The following MACROD2 variants were observed in gnomAD, a reference collection of about 807,000 sequenced individuals.
MACROD2 encodes ADP-ribose glycohydrolase MACROD2.
MACROD2 carries 36 observed loss-of-function variants against 70.4 expected under a neutral mutation model. The ratio of observed to expected loss-of-function variants is 0.51; its 90% CI spans 0.39 to 0.68. The LOEUF (loss-of-function observed/expected upper bound fraction) is 0.68. MACROD2 is among the 30% of genes least tolerant of loss of function. The pLI, the probability that MACROD2 is intolerant of heterozygous loss-of-function variation, is 0.00. For missense variants in MACROD2, 496 were observed against 538.4 expected (o/e 0.92, Z 0.78); for synonymous variants, 172 against 178.8 (o/e 0.96, Z 0.30).
chr20:15,743,455 A>C (rs762461297), intron 8 of MACROD2, among the ~76,000 whole-genome samples: 28 of 152,192 alleles, frequency 1.8e-4, no homozygotes, highest in Admixed American at 3.3e-4. Context: ...AATATTCCCC[A>C]TGTCTATGTC....
chr20:15,285,217 G>T (rs1294996293), intron 6 of MACROD2, among the ~76,000 whole-genome samples: 2 of 152,076 alleles, frequency 1.3e-5, no homozygotes, highest in East Asian at 3.8e-4. Context: ...TTCTCTAAAG[G>T]TAAAGACTGG....
intron 8 of MACROD2, among the ~76,000 whole-genome samples, chr20:15,746,635 TG>T (rs1195486424): frequency 4.6e-5 from 7 of 152,034 alleles, no homozygotes; most frequent in Non-Finnish European, 1.0e-4. Context: ...GGATGATATT[TG>T]CTCTGTAAGC....
chr20:15,907,902 G>A (rs1370482882), intron 10 of MACROD2, among the ~76,000 whole-genome samples: 1 of 152,184 alleles, frequency 6.6e-6, no homozygotes, highest in African/African-American at 2.4e-5. Context: ...GGGCTGCATT[G>A]ACTGGACTCC....
At chr20:15,649,650 G>A (rs940936805) in intron 8 of MACROD2, among the ~76,000 whole-genome samples, 14 of 152,294 alleles carry the variant, frequency 9.2e-5, no homozygotes, top group Admixed American at 3.9e-4. Flanking sequence ...TTAGGCCTGC[G>A]ATTTCTTAAC....
chr20:14,918,688 C>A (rs1331883556), intron 5 of MACROD2, among the ~76,000 whole-genome samples: 2 of 150,704 alleles, frequency 1.3e-5, no homozygotes, highest in African/African-American at 4.9e-5. Flanking sequence ...ACAATGTCTC[C>A]TCTATCCCAC....
In MACROD2 at chr20:15,987,098, G is replaced by A. The variant is rs1488633682; in HGVS notation, c.1093G>A (p.Val365Met). 1.2e-6 allele frequency: 2 copies of A among 1,611,806 alleles called. No individual in the cohort carries two copies. The highest frequency in any genetic ancestry group is 1.3e-5 in the African/African-American group (1 of 74,760). Residue 365 changes from valine (V) to methionine (M), a missense_variant, in exon 15 of 18, where the codon GTG becomes ATG. Val to Met is a conservative substitution (Grantham distance 21). Transcript: ENST00000684519. Reference protein sequence around the residue: ...LSSNQEDAVIVEQPEVIPLTE... With the variant: ...LSSNQEDAVIMEQPEVIPLTE... ...ATCAAACCAAGAAGATGCCGTGATTGTGGAGCAACCAGAAGTGATTCCATT... is the reference window on the plus strand; with the variant it reads ...ATCAAACCAAGAAGATGCCGTGATTATGGAGCAACCAGAAGTGATTCCATT...
At chr20:14,942,238 T>C (rs1417156456) in intron 5 of MACROD2, among the ~76,000 whole-genome samples, 2 of 152,178 alleles carry the variant, frequency 1.3e-5, no homozygotes. Context: ...TCCTCATATA[T>C]ATTAAATGTC....
chr20:15,032,631 C>T (rs1191095282), intron 5 of MACROD2, among the ~76,000 whole-genome samples: 1 of 152,248 alleles, frequency 6.6e-6, no homozygotes, highest in African/African-American at 2.4e-5. Flanking sequence ...CATTTAAAAA[C>T]TGTACCTTCA....
chr20:14,244,851 T>C (rs969660725), intron 3 of MACROD2, among the ~76,000 whole-genome samples: 22 of 152,170 alleles, frequency 1.4e-4, no homozygotes, highest in Admixed American at 1.4e-3. Flanking sequence ...AGGAAAAGAT[T>C]AATCTGGTTA....
At chr20:15,578,687 G>A (rs986980054) in intron 8 of MACROD2, among the ~76,000 whole-genome samples, 1 of 152,246 alleles carries the variant, frequency 6.6e-6, no homozygotes, top group Non-Finnish European at 1.5e-5. Context: ...GGCTCCTAGG[G>A]TGTCGATAAT....
chr20:14,887,239 C>A (rs1450213460), intron 5 of MACROD2, among the ~76,000 whole-genome samples: 1 of 152,056 alleles, frequency 6.6e-6, no homozygotes, highest in Admixed American at 6.6e-5. Flanking sequence ...TGGAGATGTC[C>A]TGCCCTCAAT....
chr20:15,053,670 C>T (rs1263520610), intron 5 of MACROD2, among the ~76,000 whole-genome samples: 1 of 152,166 alleles, frequency 6.6e-6, no homozygotes, highest in Non-Finnish European at 1.5e-5. Context: ...ATTGATTATG[C>T]CTGCTAATAC....
chr20:15,079,553 T>A (rs1308682239), intron 5 of MACROD2, among the ~76,000 whole-genome samples: 1 of 152,104 alleles, frequency 6.6e-6, no homozygotes, highest in East Asian at 1.9e-4. Flanking sequence ...ATCTCCACAC[T>A]TGAGCCTACT....
At chr20:14,421,741 C>A (rs1046364479) in intron 3 of MACROD2, among the ~76,000 whole-genome samples, 2 of 152,044 alleles carry the variant, frequency 1.3e-5, no homozygotes, top group Non-Finnish European at 2.9e-5. Context: ...TTCCTAGTTT[C>A]ATTCCATTGT....
chr20:15,127,012 A>G (rs1307434524), intron 5 of MACROD2, among the ~76,000 whole-genome samples: 9 of 152,114 alleles, frequency 5.9e-5, no homozygotes, highest in Non-Finnish European at 8.8e-5. Flanking sequence ...TAAATTTTCT[A>G]TATACAACAA....
intron 5 of MACROD2, among the ~76,000 whole-genome samples, chr20:15,084,787 A>G (rs1308512337): frequency 6.6e-6 from 1 of 152,190 alleles, no homozygotes; most frequent in Admixed American, 6.5e-5. Context: ...TTCTTGAACA[A>G]AGGTGTTTGC....
At chr20:14,718,261 C>CCAG (rs1310401251) in intron 5 of MACROD2, among the ~76,000 whole-genome samples, 1 of 129,576 alleles carries the variant, frequency 7.7e-6, no homozygotes, top group African/African-American at 2.9e-5. Context: ...CCACTGCACT[C>CCAG]CAGCCTGGGC....
At chr20:14,303,836 T>G (rs2082497110) in intron 3 of MACROD2, among the ~76,000 whole-genome samples, 1 of 152,174 alleles carries the variant, frequency 6.6e-6, no homozygotes, top group Admixed American at 6.5e-5. Context: ...ATACAGTGGC[T>G]TATTCATAGT....
intron 4 of MACROD2, among the ~76,000 whole-genome samples, chr20:14,636,173 GT>G (rs1984776110): frequency 6.6e-6 from 1 of 152,124 alleles, no homozygotes. Flanking sequence ...TCATTTTAAT[GT>G]GATAATGAAT....
Sources: allele counts gnomAD v4.1 joint callset (sites outside exome capture counted in the v4.1 genomes callset), GRCh38; gene constraint gnomAD v4.1.1; transcripts MANE v1.5; gene names NCBI Gene and HGNC (gene_info 2026-07-23, HGNC 2026-07-21).